MTHFD1L: variants seen among roughly 807,000 people sequenced by gnomAD.
MTHFD1L encodes monofunctional C1-tetrahydrofolate synthase, mitochondrial.
MTHFD1L carries 81 observed loss-of-function variants against 119.5 expected under a neutral mutation model. The observed-to-expected ratio is 0.68, with a 90% CI of 0.57 to 0.82. MTHFD1L has a LOEUF of 0.82. MTHFD1L is among the 40% of genes least tolerant of loss of function. The pLI is 0.00. For missense variants in MTHFD1L, 1,125 were observed against 1,253.4 expected, an observed-to-expected ratio of 0.90 and a Z score of 1.55; for synonymous variants, 430 against 475.2, an observed-to-expected ratio of 0.90 and a Z score of 1.24.
intron 20 of MTHFD1L, among the ~76,000 whole-genome samples, chr6:151,008,678 C>T (rs1187422433): frequency 1.3e-5 from 2 of 152,238 alleles, no homozygotes; most frequent in African/African-American, 2.4e-5. Flanking sequence ...GGACTAGAAA[C>T]GAGTGTTTTC....
chr6:150,908,827 G>GT (rs35714005), intron 8 of MTHFD1L, among the ~76,000 whole-genome samples: 4 of 151,628 alleles, frequency 2.6e-5, no homozygotes, highest in African/African-American at 4.9e-5. Context: ...ATGGAGAAAG[G>GT]TTTTTTTTCC....
chr6:151,057,290 A>G (rs942303465), intron 26 of MTHFD1L: 2 of 985,382 alleles, frequency 2.0e-6, no homozygotes, highest in Admixed American at 6.1e-5. Flanking sequence ...TCTGGAATGG[A>G]CATATGGAAA....
intron 5 of MTHFD1L, among the ~76,000 whole-genome samples, chr6:150,885,389 T>G (rs1354155116): frequency 6.6e-6 from 1 of 152,104 alleles, no homozygotes; most frequent in African/African-American, 2.4e-5. Context: ...GGAGTTGAGG[T>G]TTCGCCATGT....
chr6:150,953,024 G>A (rs758789358), intron 16 of MTHFD1L, among the ~76,000 whole-genome samples: 27 of 152,198 alleles, frequency 1.8e-4, no homozygotes, highest in Non-Finnish European at 3.1e-4. Context: ...GGGCCTCACA[G>A]GCTTGCCGTC....
chr6:150,995,150 G>C (rs1326626417), intron 20 of MTHFD1L, among the ~76,000 whole-genome samples: 1 of 152,078 alleles, frequency 6.6e-6, no homozygotes, highest in African/African-American at 2.4e-5. Context: ...TCTGGACTTA[G>C]GGATGGGGGA....
At chr6:151,013,941 A>G (rs1782648431) in intron 22 of MTHFD1L, 121 bp downstream of exon 22, 1 of 811,662 alleles carries the variant, frequency 1.2e-6, no homozygotes, top group Non-Finnish European at 2.0e-6. Context: ...GTCCGGGCGC[A>G]GTGACTCACA....
At chr6:151,003,020 G>A (rs548027721) in intron 20 of MTHFD1L, among the ~76,000 whole-genome samples, 37 of 152,292 alleles carry the variant, frequency 2.4e-4, no homozygotes, top group African/African-American at 7.9e-4. Flanking sequence ...AGCGGAATAG[G>A]CAGAACCGCC....
chr6:151,085,945 G>T (rs909402722), intron 26 of MTHFD1L, among the ~76,000 whole-genome samples: 3 of 151,424 alleles, frequency 2.0e-5, no homozygotes, highest in African/African-American at 4.9e-5. Flanking sequence ...GCAGGGACTG[G>T]GTCCTGGTCA....
At chr6:150,999,516 T>C (rs1294806876) in intron 20 of MTHFD1L, among the ~76,000 whole-genome samples, 2 of 152,204 alleles carry the variant, frequency 1.3e-5, no homozygotes, top group Non-Finnish European at 2.9e-5. Flanking sequence ...GTACAAACTG[T>C]TCTTGTTCCC....
At chr6:150,930,630 ACACTGTAACATAAAT>A (rs1220192645) in intron 11 of MTHFD1L, among the ~76,000 whole-genome samples, 1 of 152,046 alleles carries the variant, frequency 6.6e-6, no homozygotes, top group Non-Finnish European at 1.5e-5. Flanking sequence ...TTTTCTCTGA[ACACTGTAACATAAAT>A]CTTTTTCCAT....
intron 20 of MTHFD1L, among the ~76,000 whole-genome samples, chr6:150,982,493 C>T (rs577484120): frequency 9.2e-5 from 14 of 152,202 alleles, no homozygotes; most frequent in African/African-American, 2.6e-4. Flanking sequence ...AATAATGCTA[C>T]GGGGGACATT....
At chr6:151,059,313 C>T (rs949555688) in intron 26 of MTHFD1L, among the ~76,000 whole-genome samples, 4 of 151,934 alleles carry the variant, frequency 2.6e-5, no homozygotes, top group African/African-American at 9.7e-5. Context: ...TGGGTTCAAG[C>T]GATTTTCCTG....
intron 20 of MTHFD1L, among the ~76,000 whole-genome samples, chr6:150,996,040 C>A (rs909614877): frequency 9.2e-5 from 14 of 152,066 alleles, no homozygotes; most frequent in African/African-American, 3.4e-4. Flanking sequence ...AATGCTCATC[C>A]CTGCTTTTCA....
intron 27 of MTHFD1L, among the ~76,000 whole-genome samples, chr6:151,097,427 A>C (rs1436056616): frequency 1.3e-5 from 2 of 152,250 alleles, no homozygotes; most frequent in African/African-American, 4.8e-5. Context: ...TAGCCATTAA[A>C]AAAGAATGAA....
At chr6:151,084,021 A>G (rs2128636693) in intron 26 of MTHFD1L, among the ~76,000 whole-genome samples, 1 of 152,290 alleles carries the variant, frequency 6.6e-6, no homozygotes, top group South Asian at 2.1e-4. Flanking sequence ...CTTAACAAAC[A>G]CAAGTTATAA....
chr6:151,003,261 G>A (rs143996350), intron 20 of MTHFD1L, among the ~76,000 whole-genome samples: 4,233 of 152,294 alleles, frequency 0.028, 200 homozygotes, highest in Admixed American at 0.14. Context: ...GCCGGGCGCC[G>A]TGGCTCACGC....
At chr6:150,938,260 C>T (rs886858548) in intron 12 of MTHFD1L, among the ~76,000 whole-genome samples, 2 of 152,168 alleles carry the variant, frequency 1.3e-5, no homozygotes, top group African/African-American at 2.4e-5. Flanking sequence ...TCAAGTGATC[C>T]GCCTGCCTCA....
chr6:151,017,053 G>A (rs1351012322), intron 24 of MTHFD1L, among the ~76,000 whole-genome samples: 1 of 152,008 alleles, frequency 6.6e-6, no homozygotes, highest in Admixed American at 6.6e-5. Context: ...AGGGTTGCAG[G>A]CGTGAGCCAC....
chr6:150,919,416 G>C (rs575520957), intron 9 of MTHFD1L, among the ~76,000 whole-genome samples: 2 of 152,106 alleles, frequency 1.3e-5, no homozygotes, highest in East Asian at 3.9e-4. Flanking sequence ...GTAGAGACAG[G>C]GTTTCACCAT....
Sources: gnomAD v4.1 joint callset for allele counts (sites outside exome capture counted in the v4.1 genomes callset) on GRCh38, gnomAD v4.1.1 for gene constraint, MANE v1.5 for transcripts, NCBI Gene and HGNC (gene_info 2026-07-23, HGNC 2026-07-21) for gene names.